The following TMEM164 variants were observed in gnomAD, a reference collection of about 807,000 sequenced individuals.
TMEM164 encodes RP13-360B22.2.
In TMEM164, 4 loss-of-function variants were observed where a neutral mutation model predicts 18.8. The observed-to-expected ratio is 0.21, with a 90% confidence interval of 0.10 to 0.49. The LOEUF (loss-of-function observed/expected upper bound fraction) is 0.49, where lower values mean the gene tolerates loss of function less well. Ranked by LOEUF, TMEM164 falls within the 20% of genes least tolerant of loss-of-function variation. The probability of loss-of-function intolerance (pLI) is 0.98; values close to 1 mark genes in which losing one functional copy is unlikely to be tolerated. For missense variants in TMEM164, 108 were observed against 239.9 expected, an observed-to-expected ratio of 0.45 and a Z score of 3.63; for synonymous variants, 86 against 101.7, an observed-to-expected ratio of 0.85 and a Z score of 0.93.
intron 3 of TMEM164, among the ~76,000 whole-genome samples, chrX:110,086,025 A>G (rs185434978): frequency 8.9e-6 from 1 of 111,932 alleles, no homozygotes; most frequent in Non-Finnish European, 1.9e-5. Flanking sequence ...AATGTTTCCT[A>G]TCTTCTTTTA....
intron 2 of TMEM164, among the ~76,000 whole-genome samples, chrX:110,059,282 C>G (rs1423213794): frequency 9.0e-6 from 1 of 111,283 alleles, no homozygotes; most frequent in Admixed American, 9.5e-5. Context: ...AGTCAAAAAT[C>G]ACTTCTGAGG....
chrX:110,006,607 A>G lies in TMEM164; in HGVS notation c.390+2443A>G, dbSNP rs780102291. 3.1e-3 allele frequency among the ~76,000 whole-genome samples: 345 copies of G among 111,672 alleles called. 1 individual carries two copies. The highest frequency in any genetic ancestry group is 5.8e-3 in the Non-Finnish European group (309 of 53,114). The stretch of plus-strand genomic sequence containing the variant: ...ATGAGTCCTAAAAAAAAAAAAATTA[A>G]CAGCAGATGGTTGGAAATAATTTTC... On this transcript the variant is annotated intron_variant, in intron 2 of 6. Coordinates refer to ENST00000372068, the MANE Select transcript of TMEM164 (RefSeq NM_032227.4).
intron 2 of TMEM164, among the ~76,000 whole-genome samples, chrX:110,059,205 A>G (rs1451946263): frequency 9.0e-6 from 1 of 111,167 alleles, no homozygotes; most frequent in African/African-American, 3.3e-5. Context: ...CCTGTGGATA[A>G]CCAGTTGTCC....
At chrX:110,133,443 G>A (rs187553112) in intron 4 of TMEM164, among the ~76,000 whole-genome samples, 1 of 111,995 alleles carries the variant, frequency 8.9e-6, no homozygotes, top group Non-Finnish European at 1.9e-5. Flanking sequence ...GAGCCACCGC[G>A]CCCTGGACTG....
At chrX:110,112,708 C>T (rs1215607712) in intron 4 of TMEM164, among the ~76,000 whole-genome samples, 1 of 111,817 alleles carries the variant, frequency 8.9e-6, no homozygotes, top group Non-Finnish European at 1.9e-5. Context: ...TGAGGCCTCT[C>T]TTTGGTTTGC....
intron 5 of TMEM164, among the ~76,000 whole-genome samples, chrX:110,154,679 C>T (rs1259910871): frequency 8.9e-6 from 1 of 112,074 alleles, no homozygotes; most frequent in Non-Finnish European, 1.9e-5. Flanking sequence ...CTCTGCCTCC[C>T]AAAGTGCTGG....
chrX:110,108,068 C>G (rs867708711), intron 3 of TMEM164, among the ~76,000 whole-genome samples: 3 of 46,372 alleles, frequency 6.5e-5, no homozygotes, highest in African/African-American at 1.8e-4. Flanking sequence ...AGGAGGTATG[C>G]TGTGTGTGTG....
intron 5 of TMEM164, among the ~76,000 whole-genome samples, chrX:110,167,696 C>G (rs931069991): frequency 9.0e-6 from 1 of 111,640 alleles, no homozygotes; most frequent in African/African-American, 3.3e-5. Flanking sequence ...TCCAGAAAGT[C>G]TATACCATTC....
At chrX:110,002,411 G>GGGA (rs1194632606), upstream of TMEM164, among the ~76,000 whole-genome samples, 1 of 110,509 alleles carries the variant, frequency 9.0e-6, no homozygotes, top group Non-Finnish European at 1.9e-5. Context: ...GGGAGGAGGA[G>GGGA]GGAGGAGGAG....
At chrX:110,022,745 T>C (rs749935667) in intron 2 of TMEM164, among the ~76,000 whole-genome samples, 1 of 111,959 alleles carries the variant, frequency 8.9e-6, no homozygotes. Flanking sequence ...ACAAAAGTAT[T>C]AGATGTGGTT....
chrX:110,037,172 C>T (rs1043554224), intron 2 of TMEM164, among the ~76,000 whole-genome samples: 2 of 110,331 alleles, frequency 1.8e-5, no homozygotes, highest in Non-Finnish European at 3.8e-5. Flanking sequence ...CTGATTCCAG[C>T]GGGAGGTGTA....
intron 6 of TMEM164, among the ~76,000 whole-genome samples, chrX:110,172,025 T>C (rs964632071): frequency 2.7e-5 from 3 of 112,206 alleles, no homozygotes; most frequent in Non-Finnish European, 5.6e-5. Context: ...GTTGGATGGT[T>C]GGACTCAGTA....
chrX:110,081,845 A>G (rs1451837554), intron 3 of TMEM164, among the ~76,000 whole-genome samples: 1 of 111,906 alleles, frequency 8.9e-6, no homozygotes, highest in Non-Finnish European at 1.9e-5. Flanking sequence ...AGGGGCCAGC[A>G]TGTTCTTCCT....
intron 2 of TMEM164, among the ~76,000 whole-genome samples, chrX:110,029,014 C>T (rs1196117339): frequency 2.7e-5 from 3 of 110,744 alleles, no homozygotes; most frequent in African/African-American, 6.6e-5. Context: ...ATAGGGGTCC[C>T]GTGGCAACTT....
intron 4 of TMEM164, among the ~76,000 whole-genome samples, chrX:110,112,896 T>C (rs147004821): frequency 1.1e-3 from 119 of 111,760 alleles, no homozygotes; most frequent in African/African-American, 3.8e-3. Context: ...GCAGATACTG[T>C]ACAGTCACAT....
Position 110,056,912 on chromosome X carries a change from G to A in TMEM164, c.391-10435G>A, listed in dbSNP as rs1223630173. On this transcript the variant is annotated intron_variant, in intron 2 of 6. Transcript: ENST00000372068. ...TTTTAATACTTTAGCTATTTTTAAT[G>A]TATATATTTAAGGTTTTCAACTTAA... Among the ~76,000 whole-genome samples the A allele has an allele frequency of 2.9e-5, 3 of 104,145 alleles. No homozygotes were observed. The Admixed American group carries it at 3.2e-4, about 11-fold the overall frequency. 90.4% of individuals were successfully genotyped at this position (104,145 alleles called of 115,157 possible). A position where few individuals can be genotyped will look rare whatever the true frequency, so the allele number is the denominator to read the frequency against.
intron 3 of TMEM164, among the ~76,000 whole-genome samples, chrX:110,088,563 T>G (rs973299923): frequency 2.7e-5 from 3 of 111,895 alleles, no homozygotes; most frequent in African/African-American, 9.8e-5. Flanking sequence ...GAGACCAGTT[T>G]CTCTTTTTTA....
Position 110,111,775 on chromosome X carries a change from T to C in TMEM164, c.507+2629T>C, listed in dbSNP as rs984002979. Among the ~76,000 whole-genome samples the C allele has an allele frequency of 8.0e-5, 9 of 112,350 alleles. No individual in the cohort carries two copies. The Admixed American group carries it at 8.5e-4, about 11-fold the overall frequency. Reference sequence around the variant, plus strand: ...GATTCTCATTGTAGAAGCATGAGAATGAAGGCCCCAAAATGCTCCATTACA... The same window carrying C: ...GATTCTCATTGTAGAAGCATGAGAACGAAGGCCCCAAAATGCTCCATTACA... On this transcript the variant is annotated intron_variant, in intron 4 of 6. Transcript: ENST00000372068.
At chrX:110,095,464 A>G (rs1009226197) in intron 3 of TMEM164, among the ~76,000 whole-genome samples, 1 of 111,527 alleles carries the variant, frequency 9.0e-6, no homozygotes, top group Non-Finnish European at 1.9e-5. Context: ...CTTCCACTTG[A>G]TTGAATCAGC....
Sources: allele counts gnomAD v4.1 joint callset (sites outside exome capture counted in the v4.1 genomes callset), GRCh38; gene constraint gnomAD v4.1.1; transcripts MANE v1.5; gene names NCBI Gene and HGNC (gene_info 2026-07-23, HGNC 2026-07-21).